The following CAMTA1 variants were observed in gnomAD, a reference collection of about 807,000 sequenced individuals.
CAMTA1 encodes calmodulin binding transcription activator 1.
In CAMTA1, 27 loss-of-function variants were observed where a neutral mutation model predicts 170.9. The ratio of observed to expected loss-of-function variants is 0.16; its 90% CI spans 0.12 to 0.22. The LOEUF (loss-of-function observed/expected upper bound fraction) is 0.22. CAMTA1 is among the 10% of genes least tolerant of loss of function. CAMTA1 has a pLI of 1.00. For synonymous variants in CAMTA1, 833 were observed against 891.5 expected, an observed-to-expected ratio of 0.93 and a Z score of 1.17; for missense variants, 1,619 against 2,217.2, an observed-to-expected ratio of 0.73 and a Z score of 5.42.
At chr1:7,660,326 C>T (rs924710194) in intron 7 of CAMTA1, among the ~76,000 whole-genome samples, 3 of 152,200 alleles carry the variant, frequency 2.0e-5, no homozygotes, top group Non-Finnish European at 4.4e-5. Flanking sequence ...TTTGGCCTTC[C>T]AAAGTATTAG....
chr1:7,621,020 G>A (rs2095594475), intron 6 of CAMTA1, among the ~76,000 whole-genome samples: 1 of 152,126 alleles, frequency 6.6e-6, no homozygotes, highest in Non-Finnish European at 1.5e-5. Context: ...GAGAGTGCGA[G>A]GGAAAGGCCG....
At chr1:7,112,728 G>A (rs576043562) in intron 4 of CAMTA1, among the ~76,000 whole-genome samples, 4 of 152,320 alleles carry the variant, frequency 2.6e-5, no homozygotes, top group Admixed American at 2.0e-4. Context: ...ACAGTTACAC[G>A]CTGCTGAATT....
At chr1:7,529,251 G>C (rs1238876110) in intron 6 of CAMTA1, among the ~76,000 whole-genome samples, 2 of 152,310 alleles carry the variant, frequency 1.3e-5, no homozygotes, top group South Asian at 2.1e-4. Context: ...CATGGGGCAG[G>C]CTTGCTCAAG....
At chr1:7,274,064 A>G (rs965395691) in intron 5 of CAMTA1, among the ~76,000 whole-genome samples, 5 of 152,164 alleles carry the variant, frequency 3.3e-5, no homozygotes, top group African/African-American at 7.2e-5. Context: ...ATGAAACAGG[A>G]CAAGTAGAAA....
At chr1:6,926,434 T>C (rs978948343) in intron 3 of CAMTA1, among the ~76,000 whole-genome samples, 16 of 127,260 alleles carry the variant, frequency 1.3e-4, no homozygotes, top group Admixed American at 4.1e-4. Context: ...TCTTTCTTTC[T>C]TTTCTCTTTC....
In CAMTA1 at chr1:7,270,226, T is replaced by C. The variant is rs1464436751; in HGVS notation, c.438+20600T>C. ...ACACATATATATACATATATACATA[T>C]ATATACACATATATACATACACACA... is the stretch of plus-strand genomic sequence containing the variant. On this transcript the variant is annotated intron_variant, in intron 5 of 22. Transcript: ENST00000303635. 9.7e-3 allele frequency among the ~76,000 whole-genome samples: 850 copies of C among 87,746 alleles called. 4 individuals are homozygous for C. Among genetic ancestry groups the C allele is most frequent in the African/African-American group, 0.032 (499 of 15,560 alleles). The allele number at this position is 87,746 out of a possible 152,430, so 57.6% of individuals were successfully genotyped here.
intron 5 of CAMTA1, among the ~76,000 whole-genome samples, chr1:7,289,053 T>G (rs4908453): frequency 6.6e-6 from 1 of 151,996 alleles, no homozygotes; most frequent in African/African-American, 2.4e-5. Flanking sequence ...ATCTAGCCCT[T>G]CACATGGCCA....
At chr1:7,468,873 G>A (rs1449191564) in intron 6 of CAMTA1, among the ~76,000 whole-genome samples, 4 of 152,314 alleles carry the variant, frequency 2.6e-5, no homozygotes, top group South Asian at 4.1e-4. Flanking sequence ...AAGTCCCCCA[G>A]TGCTATGACA....
chr1:6,787,345 G>T (rs1298905398), intron 1 of CAMTA1, among the ~76,000 whole-genome samples: 1 of 152,210 alleles, frequency 6.6e-6, no homozygotes, highest in Non-Finnish European at 1.5e-5. Flanking sequence ...GTTGTCTCTT[G>T]TGGGATCCAG....
At position 7,663,379 on chromosome 1, in the gene CAMTA1, T is replaced by C; in HGVS notation, c.832T>C (p.Cys278Arg). The change falls in exon 9 of 23, where the codon TGT becomes CGT. Residue 278 changes from cysteine to arginine, a missense_variant. By Grantham distance (180) the Cys-to-Arg change is radical. This residue lies in a region of CAMTA1 where 731 missense variants were observed against 907.6 expected (regional missense o/e 0.81). Coordinates refer to ENST00000303635, the MANE Select transcript of CAMTA1 (RefSeq NM_015215.4). ...AGCTGGCGGCAGCGTGCATCACAAG[T>C]GTAACAGCGCCAAACACCGCATCAT... ...LGAGGSVHHK[C>R]NSAKHRIISP... 6.5e-7 allele frequency: 1 copy of C among 1,531,708 alleles called. No individual in the cohort carries two copies. Among genetic ancestry groups the C allele is most frequent in the Non-Finnish European group, 8.8e-7 (1 of 1,136,928 alleles). 94.9% of individuals were successfully genotyped at this position (1,531,708 alleles called of 1,614,324 possible).
chr1:7,045,634 C>T lies in CAMTA1; in HGVS notation c.235-45670C>T, dbSNP rs751683431. Among the ~76,000 whole-genome samples, 5 of 152,314 alleles carry T rather than the reference C, an allele frequency of 3.3e-5. No homozygotes were observed. In the East Asian group the frequency reaches 7.7e-4, roughly 23 times the overall value. On this transcript the variant is annotated intron_variant, in intron 3 of 22. Transcript: ENST00000303635. Reference sequence around the variant, plus strand: ...AGGGGAGGCCCTAGAAGGTGACTATCGGTACTGAATCCTGGTTCTTTTGAT... The same window carrying T: ...AGGGGAGGCCCTAGAAGGTGACTATTGGTACTGAATCCTGGTTCTTTTGAT...
intron 3 of CAMTA1, among the ~76,000 whole-genome samples, chr1:7,034,405 C>T (rs4409676): frequency 0.33 from 49,899 of 152,076 alleles, 8,772 homozygotes; most frequent in African/African-American, 0.46. Context: ...CCACCCGCCT[C>T]GGCCTCCCAA....
rs75838866 is a variant in CAMTA1, at chr1:7,258,197, A to G, written c.438+8571A>G. Among the ~76,000 whole-genome samples, 71 of 152,334 alleles carry G rather than the reference A, an allele frequency of 4.7e-4. 4 individuals carry two copies. In the East Asian group the frequency reaches 0.013, roughly 29 times the overall value. ...CTTGTTAGTAAAAGATGTGCCAGGA[A>G]TATGTAGCAGGAAGTGTGATTGTAG... On this transcript the variant is annotated intron_variant, in intron 5 of 22. Transcript: ENST00000303635.
chr1:7,017,062 G>A (rs1700665931), intron 3 of CAMTA1, among the ~76,000 whole-genome samples: 1 of 152,112 alleles, frequency 6.6e-6, no homozygotes, highest in African/African-American at 2.4e-5. Context: ...CCCACCACTG[G>A]GAGTCTTCGA....
In CAMTA1 at chr1:6,970,540, G is replaced by C. The variant is rs1205225911; in HGVS notation, c.235-120764G>C. On this transcript the variant is annotated intron_variant, in intron 3 of 22. Coordinates refer to ENST00000303635, the MANE Select transcript of CAMTA1 (RefSeq NM_015215.4). This position sits in a 1 kb window ranked among gnomAD's most constrained non-coding sequence, Gnocchi z 4.4. ...TCACTCCAAGGGCCTGGCAAAGGAT[G>C]TGGCGACAGGACCCAGGGACTCCAC... Among the ~76,000 whole-genome samples, 1 of 152,148 alleles carries C rather than the reference G, an allele frequency of 6.6e-6. No individual in the cohort carries two copies. Among genetic ancestry groups the C allele is most frequent in the Non-Finnish European group, 1.5e-5 (1 of 68,022 alleles).
chr1:6,789,702 C>A (rs912535730), intron 1 of CAMTA1, among the ~76,000 whole-genome samples: 2 of 151,990 alleles, frequency 1.3e-5, no homozygotes, highest in Non-Finnish European at 2.9e-5. Context: ...AGACCTTTAC[C>A]GAGCTTCTGT....
At chr1:6,816,562 C>G (rs1295564556) in intron 1 of CAMTA1, among the ~76,000 whole-genome samples, 1 of 152,208 alleles carries the variant, frequency 6.6e-6, no homozygotes, top group African/African-American at 2.4e-5. Context: ...AGTTGAAGTG[C>G]AGAATCAGCG....
chr1:7,189,377 A>G (rs145631032), intron 4 of CAMTA1, among the ~76,000 whole-genome samples: 59 of 152,384 alleles, frequency 3.9e-4, no homozygotes, highest in Admixed American at 5.9e-4. Flanking sequence ...ACAAGAGCAC[A>G]TTAAAAACTA....
rs374145998 is a variant in CAMTA1, at chr1:7,570,706, C to T, written c.511-69694C>T. The stretch of plus-strand genomic sequence containing the variant: ...CAGCCTCCTGCTGTGTCAGCACAGA[C>T]CCTGCCTGGGACCCCTGCTTCCCCA... On this transcript the variant is annotated intron_variant, in intron 6 of 22. Coordinates refer to ENST00000303635, the MANE Select transcript of CAMTA1 (RefSeq NM_015215.4). The surrounding 1 kb of genome is among the most constrained non-coding windows in gnomAD (Gnocchi z 4.3). Among the ~76,000 whole-genome samples, 36 of 152,376 alleles carry T rather than the reference C, an allele frequency of 2.4e-4. No individual in the cohort carries two copies. The East Asian group carries it at 6.5e-3, about 28-fold the overall frequency.
Sources: allele counts gnomAD v4.1 joint callset (sites outside exome capture counted in the v4.1 genomes callset), GRCh38; gene constraint gnomAD v4.1.1; regional missense constraint gnomAD v4.1.1; non-coding constraint Gnocchi (gnomAD v3.1); transcripts MANE v1.5; gene names NCBI Gene and HGNC (gene_info 2026-07-23, HGNC 2026-07-21).